ADCYAP1R1: variants seen among roughly 807,000 people sequenced by gnomAD.
ADCYAP1R1 encodes ADCYAP receptor type I.
Under a neutral mutation model 67.6 loss-of-function variants are expected in ADCYAP1R1, and 44 were observed. The ratio of observed to expected loss-of-function variants is 0.65; its 90% CI spans 0.51 to 0.84. ADCYAP1R1 has a LOEUF of 0.84. Among genes scored for constraint, ADCYAP1R1 ranks in the 40% least tolerant of loss-of-function variants. ADCYAP1R1 has a pLI of 0.00. For synonymous variants in ADCYAP1R1, 222 were observed against 219.6 expected, an observed-to-expected ratio of 1.01 and a Z score of -0.10; for missense variants, 477 against 587.9, an observed-to-expected ratio of 0.81 and a Z score of 1.95.
At chr7:31,101,852 C>T (rs1382118604) in intron 13 of ADCYAP1R1, among the ~76,000 whole-genome samples, 1 of 152,208 alleles carries the variant, frequency 6.6e-6, no homozygotes, top group East Asian at 1.9e-4. Context: ...AGGATTGCAT[C>T]TGGGCTTAGC....
intron 7 of ADCYAP1R1, 120 bp downstream of exon 7, chr7:31,084,370 C>G (rs116676492): frequency 1.3e-6 from 1 of 742,994 alleles, no homozygotes; most frequent in Non-Finnish European, 2.3e-6. Flanking sequence ...GCTGCCTACT[C>G]CTCCCCACCT....
chr7:31,053,542 G>A (rs1347100813), intron 1 of ADCYAP1R1, among the ~76,000 whole-genome samples: 1 of 152,236 alleles, frequency 6.6e-6, no homozygotes, highest in Non-Finnish European at 1.5e-5. Context: ...GAACCCAGCC[G>A]GAAGCCGATT....
chr7:31,074,688 G>A (rs1358134555), intron 3 of ADCYAP1R1, among the ~76,000 whole-genome samples: 1 of 152,222 alleles, frequency 6.6e-6, no homozygotes, highest in Non-Finnish European at 1.5e-5. Context: ...CCAAAGATGT[G>A]CTATTGGGTC....
chr7:31,065,036 T>G, intron 3 of ADCYAP1R1, 100 bp downstream of exon 3: 1 of 817,832 alleles, frequency 1.2e-6, no homozygotes, highest in South Asian at 1.8e-5. Flanking sequence ...AGGTATGGGT[T>G]TCTGGGGACT....
At chr7:31,070,232 G>A (rs1794915512) in intron 3 of ADCYAP1R1, among the ~76,000 whole-genome samples, 2 of 152,238 alleles carry the variant, frequency 1.3e-5, no homozygotes, top group African/African-American at 4.8e-5. Flanking sequence ...TGCCCAGAAT[G>A]AGACCAGCCA....
intron 1 of ADCYAP1R1, among the ~76,000 whole-genome samples, chr7:31,059,905 CG>C (rs1283966814): frequency 7.5e-6 from 1 of 133,028 alleles, no homozygotes; most frequent in African/African-American, 2.9e-5. Context: ...TCTTTGCTGG[CG>C]GGGGCGTCTG....
intron 13 of ADCYAP1R1, chr7:31,100,005 C>T: frequency 1.1e-6 from 1 of 931,920 alleles, no homozygotes; most frequent in Non-Finnish European, 1.7e-6. Context: ...CCTCATTCTC[C>T]TCCACATGAC....
chr7:31,080,707 C>G (rs1795481649), intron 5 of ADCYAP1R1, 74 bp downstream of exon 5: 2 of 1,505,218 alleles, frequency 1.3e-6, no homozygotes, highest in African/African-American at 2.7e-5. Flanking sequence ...CAGGAGATCC[C>G]AGGCTCCGGC....
At chr7:31,055,277 A>C (rs1794191801) in intron 1 of ADCYAP1R1, among the ~76,000 whole-genome samples, 1 of 152,168 alleles carries the variant, frequency 6.6e-6, no homozygotes, top group Non-Finnish European at 1.5e-5. Context: ...CAAAGATCAC[A>C]AAGGTCTTCA....
At chr7:31,100,025 CCT>C (rs1350765991) in intron 13 of ADCYAP1R1, 3 of 1,152,802 alleles carry the variant, frequency 2.6e-6, no homozygotes, top group Non-Finnish European at 3.8e-6. Context: ...CTGCCCTGGC[CCT>C]GTCTCCATAC....
rs1416333383 is a variant in ADCYAP1R1, at chr7:31,079,176, TG to T, written c.265+1081del. 2.0e-5 allele frequency among the ~76,000 whole-genome samples: 3 copies of T among 152,292 alleles called. No individual in the cohort carries two copies. In the South Asian group the frequency reaches 6.2e-4, roughly 32 times the overall value. ...TAGCTGTAGATGACTTCTTTGGATA[TG>T]GGTCCCTTGGGCTCTTCCAGAACGG... On this transcript the variant is annotated intron_variant, in intron 4 of 15. Transcript: ENST00000304166.
intron 13 of ADCYAP1R1, among the ~76,000 whole-genome samples, chr7:31,096,891 G>A (rs1012095840): frequency 4.6e-5 from 7 of 152,242 alleles, no homozygotes; most frequent in Admixed American, 1.3e-4. Context: ...GAATGCAGAC[G>A]TGAAGAAGAC....
intron 13 of ADCYAP1R1, among the ~76,000 whole-genome samples, chr7:31,098,523 G>T (rs1232386641): frequency 6.6e-6 from 1 of 152,136 alleles, no homozygotes; most frequent in African/African-American, 2.4e-5. Context: ...AAGCTCTCAG[G>T]TGGTGTTGGT....
chr7:31,054,609 G>T (rs1192274224), intron 1 of ADCYAP1R1, among the ~76,000 whole-genome samples: 1 of 152,244 alleles, frequency 6.6e-6, no homozygotes, highest in Non-Finnish European at 1.5e-5. Context: ...TTCTCTTGGG[G>T]ACAGGGCTTA....
At chr7:31,056,278 G>A (rs1210860272) in intron 1 of ADCYAP1R1, among the ~76,000 whole-genome samples, 1 of 152,136 alleles carries the variant, frequency 6.6e-6, no homozygotes, top group Non-Finnish European at 1.5e-5. Flanking sequence ...GGCCTTGGAG[G>A]ATGGCTGGAC....
At chr7:31,105,029 C>A in intron 15 of ADCYAP1R1, 120 bp downstream of exon 15, 2 of 1,058,228 alleles carry the variant, frequency 1.9e-6, no homozygotes, top group Non-Finnish European at 2.9e-6. Flanking sequence ...GCCAGGCTCC[C>A]AGCACTGAGA....
At chr7:31,104,168 C>T (rs1394648969) in intron 14 of ADCYAP1R1, among the ~76,000 whole-genome samples, 1 of 151,944 alleles carries the variant, frequency 6.6e-6, no homozygotes, top group Admixed American at 6.6e-5. Flanking sequence ...ATAGACAAAG[C>T]CCTGGCCCAG....
chr7:31,069,920 CAT>C (rs1160692705), intron 3 of ADCYAP1R1, among the ~76,000 whole-genome samples: 1 of 152,188 alleles, frequency 6.6e-6, no homozygotes, highest in African/African-American at 2.4e-5. Context: ...GGTTTGGAGA[CAT>C]AGTCATTTTG....
At chr7:31,082,231 C>T (rs565445584) in intron 6 of ADCYAP1R1, among the ~76,000 whole-genome samples, 1 of 152,306 alleles carries the variant, frequency 6.6e-6, no homozygotes, top group Admixed American at 6.5e-5. Flanking sequence ...CTTCGGGAAA[C>T]GCTGCCCAAA....
Sources: allele counts gnomAD v4.1 joint callset (sites outside exome capture counted in the v4.1 genomes callset), GRCh38; gene constraint gnomAD v4.1.1; transcripts MANE v1.5; gene names NCBI Gene and HGNC (gene_info 2026-07-23, HGNC 2026-07-21).